PRAG1: variants seen among roughly 807,000 people sequenced by gnomAD.
The protein encoded by PRAG1 is PEAK1 related, kinase-activating pseudokinase 1.
Under a neutral mutation model 95.6 loss-of-function variants are expected in PRAG1, and 110 were observed. The ratio of observed to expected loss-of-function variants is 1.15; its 90% CI spans 0.99 to 1.35. The LOEUF is 1.35. Among genes scored for constraint, PRAG1 ranks in the 40% most tolerant of loss-of-function variants. The probability of loss-of-function intolerance (pLI) is 0.00; values close to 1 mark genes in which losing one functional copy is unlikely to be tolerated. For synonymous variants in PRAG1, 1,052 were observed against 819.4 expected, an observed-to-expected ratio of 1.28 and a Z score of -4.85; for missense variants, 2,554 against 1,864.7, an observed-to-expected ratio of 1.37 and a Z score of -6.81.
intron 5 of PRAG1, among the ~76,000 whole-genome samples, chr8:8,321,022 C>G (rs1253925290): frequency 6.6e-6 from 1 of 152,258 alleles, no homozygotes; most frequent in Non-Finnish European, 1.5e-5. Flanking sequence ...TCCTATTACA[C>G]TAACAAAAAT....
intron 5 of PRAG1, among the ~76,000 whole-genome samples, chr8:8,326,881 T>G (rs11993514): frequency 0.013 from 2,031 of 152,246 alleles, 39 homozygotes; most frequent in African/African-American, 0.046. Flanking sequence ...AGGATTACTG[T>G]TAGGATTAGA....
At chr8:8,357,431 TA>T in intron 3 of PRAG1, among the ~76,000 whole-genome samples, 1 of 152,220 alleles carries the variant, frequency 6.6e-6, no homozygotes, top group Non-Finnish European at 1.5e-5. Context: ...AGTAAGCACA[TA>T]AAAAGATACT....
chr8:8,370,487 T>C (rs1800156137), intron 3 of PRAG1, among the ~76,000 whole-genome samples: 1 of 152,230 alleles, frequency 6.6e-6, no homozygotes, highest in African/African-American at 2.4e-5. Context: ...CAGTGCTTCC[T>C]AATACAAACT....
chr8:8,376,516 G>A lies in PRAG1; in HGVS notation c.1893C>T (p.Gly631=), dbSNP rs370868152. 2.4e-5 allele frequency: 39 copies of A among 1,610,292 alleles called. No individual in the cohort carries two copies. Among genetic ancestry groups the A allele is most frequent in the Admixed American group, 5.0e-5 (3 of 59,888 alleles). The change falls in exon 3 of 6, where the codon GGC becomes GGT. Residue 631 remains glycine (G), a synonymous_variant. Transcript: ENST00000615670. ...CTATCCGGCACTGACGACTCCAGGT[G>A]CCTGCCTGGAACCTGGGCCGCCTCT... The part of the protein sequence containing the change: ...SEQRRPRFQA[G]TWSRQCRIEE...
chr8:8,378,824 C>T (rs1404430838), intron 2 of PRAG1, among the ~76,000 whole-genome samples: 1 of 149,556 alleles, frequency 6.7e-6, no homozygotes, highest in Non-Finnish European at 1.5e-5. Flanking sequence ...CACACCACCA[C>T]ACTCCAGCCT....
intron 5 of PRAG1, among the ~76,000 whole-genome samples, chr8:8,322,849 T>C (rs1914823): frequency 0.14 from 21,470 of 152,168 alleles, 1,847 homozygotes; most frequent in African/African-American, 0.23. Flanking sequence ...TCAACTTCAA[T>C]GTACATCATA....
rs557950599 is a variant in PRAG1 at position 8,343,857 on chromosome 8, T to C, written c.2163-4222A>G. Among the ~76,000 whole-genome samples the C allele has an allele frequency of 3.9e-5, 6 of 152,284 alleles. No homozygotes were observed. The East Asian group carries it at 5.8e-4, about 15-fold the overall frequency. On this transcript the variant is annotated intron_variant, in intron 3 of 5. Coordinates refer to ENST00000615670, the MANE Select transcript of PRAG1 (RefSeq NM_001080826.3). ...GCTGGTCTTGACCAGCCTTGTCCAATAGAATTATAATGCAAGCCATATATG... is the reference window on the plus strand; with the variant it reads ...GCTGGTCTTGACCAGCCTTGTCCAACAGAATTATAATGCAAGCCATATATG...
Position 8,381,778 on chromosome 8 carries a change from C to A in PRAG1, c.-31G>T. The A allele has an allele frequency of 6.6e-7, 1 of 1,524,044 alleles. No individual in the cohort carries two copies. Among genetic ancestry groups the A allele is most frequent in the Non-Finnish European group, 8.8e-7 (1 of 1,131,012 alleles). 94.4% of individuals were successfully genotyped at this position (1,524,044 alleles called of 1,614,324 possible). On this transcript the variant is annotated 5_prime_UTR_variant, in exon 2 of 6. Coordinates refer to ENST00000615670, the MANE Select transcript of PRAG1 (RefSeq NM_001080826.3). ...GCCGACAGGGTGCTGGTTCATCTTG[C>A]GCCCGGCTCTCTGGTGCAGTTTTGT...
chr8:8,384,608 C>CAAAAAAAAAAAA (rs11400182), intron 1 of PRAG1, among the ~76,000 whole-genome samples: 1 of 92,464 alleles, frequency 1.1e-5, no homozygotes, highest in Non-Finnish European at 2.1e-5. Flanking sequence ...CGCATGCAGC[C>CAAAAAAAAAAAA]AAAAAAAAAA....
intron 1 of PRAG1, among the ~76,000 whole-genome samples, chr8:8,382,523 T>C (rs1800715183): frequency 6.6e-6 from 1 of 152,176 alleles, no homozygotes; most frequent in African/African-American, 2.4e-5. Context: ...CTGGGTGTTA[T>C]AGGCCAAAGG....
intron 1 of PRAG1, among the ~76,000 whole-genome samples, chr8:8,385,657 G>A (rs548996271): frequency 6.6e-6 from 1 of 152,350 alleles, no homozygotes; most frequent in Non-Finnish European, 1.5e-5. Flanking sequence ...GAGCTTACCT[G>A]AGAGAAACGC....
intron 5 of PRAG1, among the ~76,000 whole-genome samples, chr8:8,323,266 G>C (rs1351626096): frequency 2.0e-5 from 3 of 151,724 alleles, no homozygotes; most frequent in South Asian, 4.2e-4. Flanking sequence ...TCTCATGATA[G>C]TGAGTGAGTT....
intron 1 of PRAG1, among the ~76,000 whole-genome samples, chr8:8,382,632 T>C (rs1563260949): frequency 6.6e-6 from 1 of 152,210 alleles, no homozygotes; most frequent in Non-Finnish European, 1.5e-5. Flanking sequence ...GTGATGGCTC[T>C]GGAGAGAAGG....
chr8:8,364,513 A>C (rs570880374), intron 3 of PRAG1, among the ~76,000 whole-genome samples: 1 of 152,324 alleles, frequency 6.6e-6, no homozygotes, highest in Non-Finnish European at 1.5e-5. Flanking sequence ...AGTCAAAGCC[A>C]TCATTTTATG....
chr8:8,319,916 T>C (rs2117095069), intron 5 of PRAG1, among the ~76,000 whole-genome samples: 1 of 152,322 alleles, frequency 6.6e-6, no homozygotes, highest in South Asian at 2.1e-4. Flanking sequence ...CCCACTAGAA[T>C]GGGTTCTAAT....
chr8:8,344,818 C>G (rs145329326), intron 3 of PRAG1, among the ~76,000 whole-genome samples: 25 of 152,298 alleles, frequency 1.6e-4, no homozygotes, highest in Non-Finnish European at 2.8e-4. Flanking sequence ...GGATTTCCAT[C>G]AGACCCCTCA....
Position 8,377,657 on chromosome 8 carries a change from C to G in PRAG1, c.752G>C (p.Gly251Ala), listed in dbSNP as rs757494367. ...GCAGTCCAGGATGGAGCAGTACTCT[C>G]CACCCTCGCTGTCCCCGGAGGGCGA... ...RCSPSGDSEG[G>A]EYCSILDCCP... Residue 251 changes from glycine to alanine, a missense_variant, in exon 3 of 6, where the codon GGA becomes GCA. By Grantham distance (60) the Gly-to-Ala change is moderately conservative. Transcript: ENST00000615670. The G allele has an allele frequency of 6.8e-6, 11 of 1,613,644 alleles. No individual in the cohort carries two copies. In the South Asian group the frequency reaches 1.2e-4, roughly 18 times the overall value.
At position 8,343,702 on chromosome 8, in the gene PRAG1, T is replaced by C. The variant is rs183490105; in HGVS notation, c.2163-4067A>G. On this transcript the variant is annotated intron_variant, in intron 3 of 5. Coordinates refer to ENST00000615670, the MANE Select transcript of PRAG1 (RefSeq NM_001080826.3). ...GTAAATATTTTAGGCTCGTGGACCA[T>C]AAGGGTTCTGTTGCAACTACAGAAC... Among the ~76,000 whole-genome samples, 267 of 152,316 alleles carry C rather than the reference T, an allele frequency of 1.8e-3. 7 individuals carry two copies. Among genetic ancestry groups the C allele is most frequent in the Admixed American group, 0.016 (238 of 15,300 alleles).
At position 8,376,823 on chromosome 8, in the gene PRAG1, T is replaced by C; in HGVS notation, c.1586A>G (p.His529Arg). 1.2e-6 allele frequency: 2 copies of C among 1,612,392 alleles called. No individual in the cohort carries two copies. The highest frequency in any genetic ancestry group is 1.7e-6 in the Non-Finnish European group (2 of 1,179,888). ...AGQGLSSRES[H>R]AHSASESKPK... ...CTTGCTCTCGCTGGCACTGTGAGCA[T>C]GGCTTTCCCTGGAGCTCAGCCCCTG... The change falls in exon 3 of 6, where the codon CAT becomes CGT. Residue 529 changes from histidine (H) to arginine (R), a missense_variant. By Grantham distance (29) the His-to-Arg change is conservative. Coordinates refer to ENST00000615670, the MANE Select transcript of PRAG1 (RefSeq NM_001080826.3).
Sources: allele counts gnomAD v4.1 joint callset (sites outside exome capture counted in the v4.1 genomes callset), GRCh38; gene constraint gnomAD v4.1.1; transcripts MANE v1.5; gene names NCBI Gene and HGNC (gene_info 2026-07-23, HGNC 2026-07-21).